KDM5A: variants seen among roughly 807,000 people sequenced by gnomAD.
KDM5A encodes the protein lysine-specific demethylase 5A.
In KDM5A, 42 loss-of-function variants were observed where a neutral mutation model predicts 193.5. The observed-to-expected ratio is 0.22, with a 90% CI of 0.17 to 0.28. The LOEUF is 0.28. KDM5A is among the 10% of genes least tolerant of loss of function. The pLI is 1.00. For synonymous variants in KDM5A, 796 were observed against 718.1 expected, an observed-to-expected ratio of 1.11 and a Z score of -1.73; for missense variants, 1,692 against 2,055.1, an observed-to-expected ratio of 0.82 and a Z score of 3.42.
At chr12:346,173 T>C (rs1222803854) in intron 10 of KDM5A, among the ~76,000 whole-genome samples, 3 of 151,982 alleles carry the variant, frequency 2.0e-5, no homozygotes, top group East Asian at 1.9e-4. Flanking sequence ...CTAGAAGAAA[T>C]GGATAAATTC....
chr12:309,846 T>A lies in KDM5A; in HGVS notation c.3335A>T (p.Asp1112Val). 6.2e-7 allele frequency: 1 copy of A among 1,614,148 alleles called. No homozygotes were observed. Among genetic ancestry groups the A allele is most frequent in the Non-Finnish European group, 8.5e-7 (1 of 1,180,006 alleles). The change falls in exon 22 of 28, where the codon GAT (aspartate) becomes GTT (valine). Residue 1112 changes from aspartate (D) to valine (V), a missense_variant. Asp to Val is a radical substitution (Grantham distance 152). Transcript: ENST00000399788. ...GGTTTCCTCCAATCCTTCCTCCAGA[T>A]CACTCAGAGGCTCCAGGTCCAGATC... ...EKDLDLEPLS[D>V]LEEGLEETRD...
chr12:296,733 A>G (rs1183791745), intron 25 of KDM5A, among the ~76,000 whole-genome samples: 3 of 152,350 alleles, frequency 2.0e-5, no homozygotes, highest in African/African-American at 7.2e-5. Flanking sequence ...AACACCTGAT[A>G]ATGACCACAT....
chr12:311,272 G>C (rs1006277694), intron 20 of KDM5A: 1 of 580,772 alleles, frequency 1.7e-6, no homozygotes, highest in African/African-American at 1.9e-5. Flanking sequence ...TGTCATCAAT[G>C]ATTTTATTTA....
At position 389,174 on chromosome 12, in the gene KDM5A, C is replaced by G. The variant is rs534801197; in HGVS notation, c.-83G>C. The G allele has an allele frequency of 2.3e-6, 3 of 1,324,528 alleles. No individual in the cohort carries two copies. The highest frequency in any genetic ancestry group is 3.3e-6 in the Non-Finnish European group (3 of 917,440). 82.0% of individuals were successfully genotyped at this position (1,324,528 alleles called of 1,614,324 possible). A position where few individuals can be genotyped will look rare whatever the true frequency, so the allele number is the denominator to read the frequency against. ...TGAAGCCCACTAAGCCCGTTCAAGT[C>G]CCCTGACAGAGGCCGAAGCGCATCT... On this transcript the variant is annotated 5_prime_UTR_variant, in exon 1 of 28. Coordinates refer to ENST00000399788, the MANE Select transcript of KDM5A (RefSeq NM_001042603.3).
chr12:293,257 A>G (rs535465808), intron 26 of KDM5A, 88 bp from the exon 27 acceptor site: 58 of 1,129,938 alleles, frequency 5.1e-5, no homozygotes, highest in Middle Eastern at 2.0e-4. Context: ...TAGAATAGAC[A>G]CATTCGGAGA....
intron 15 of KDM5A, 108 bp downstream of exon 15, chr12:323,492 G>C (rs1943746727): frequency 8.4e-7 from 1 of 1,186,270 alleles, no homozygotes; most frequent in African/African-American, 1.5e-5. Flanking sequence ...AGACAGTGAA[G>C]TTTAGAAGTC....
chr12:288,974 G>A (rs1443722885), intron 27 of KDM5A, among the ~76,000 whole-genome samples: 1 of 152,184 alleles, frequency 6.6e-6, no homozygotes, highest in East Asian at 1.9e-4. Flanking sequence ...TTGCTTATCT[G>A]TGCTAAAAGG....
At chr12:374,494 TA>T (rs775277269) in intron 3 of KDM5A, among the ~76,000 whole-genome samples, 10 of 152,230 alleles carry the variant, frequency 6.6e-5, no homozygotes, top group African/African-American at 9.6e-5. Context: ...GTCTCCTGAA[TA>T]AAGCACACTG....
intron 5 of KDM5A, among the ~76,000 whole-genome samples, chr12:358,989 TAAAAAATAAA>T (rs1944261117): frequency 1.1e-5 from 1 of 87,642 alleles, no homozygotes; most frequent in African/African-American, 3.0e-5. Context: ...AAATAAATAA[TAAAAAATAAA>T]AAAAAACAAT....
intron 24 of KDM5A, 124 bp downstream of exon 24, chr12:306,822 C>A (rs1002609468): frequency 1.0e-6 from 1 of 965,978 alleles, no homozygotes; most frequent in Admixed American, 1.9e-5. Flanking sequence ...AAACTCAGAA[C>A]AGATAAATGA....
At chr12:386,549 A>G (rs1483854330) in intron 1 of KDM5A, among the ~76,000 whole-genome samples, 5 of 152,192 alleles carry the variant, frequency 3.3e-5, no homozygotes, top group Non-Finnish European at 7.3e-5. Flanking sequence ...ATACAATGAA[A>G]AAAATAATCT....
intron 20 of KDM5A, among the ~76,000 whole-genome samples, chr12:312,580 T>C (rs772222233): frequency 5.3e-5 from 8 of 152,186 alleles, no homozygotes; most frequent in Non-Finnish European, 1.2e-4. Flanking sequence ...TATTCTAAAT[T>C]ATAAAATCAG....
intron 22 of KDM5A, 126 bp from the exon 23 acceptor site, chr12:308,131 C>T (rs536079671): frequency 2.4e-5 from 25 of 1,031,386 alleles, no homozygotes; most frequent in Middle Eastern, 2.8e-4. Flanking sequence ...AAATGTGGGG[C>T]CCCTGGCGGT....
rs769253632 is a variant in KDM5A at position 307,947 on chromosome 12, G to A, written c.3437C>T (p.Ala1146Val). ...CATTGTCATCTTGGCTAGGTTGGCT[G>A]CTCTGAGAGAATGCATGGCTTCAAT... ...KEIEAMHSLRAANLAKMTMVD... is the reference protein window; with the variant it reads ...KEIEAMHSLRVANLAKMTMVD... Residue 1146 changes from alanine (A) to valine (V), a missense_variant, in exon 23 of 28, where the codon GCA becomes GTA. Physicochemically the swap from Ala to Val is moderately conservative, Grantham distance 64. Transcript: ENST00000399788. This position sits in a 1 kb window ranked among gnomAD's most constrained non-coding sequence, Gnocchi z 4.3. The A allele has an allele frequency of 1.9e-6, 3 of 1,614,164 alleles. No individual in the cohort carries two copies. Among genetic ancestry groups the A allele is most frequent in the Admixed American group, 1.7e-5 (1 of 60,022 alleles).
chr12:329,204 CAG>C, intron 13 of KDM5A, 175 bp from the exon 14 acceptor site: 1 of 628,580 alleles, frequency 1.6e-6, no homozygotes, highest in Non-Finnish European at 2.8e-6. Flanking sequence ...AAGACCCAGC[CAG>C]AGTTTCAAAG....
intron 27 of KDM5A, among the ~76,000 whole-genome samples, chr12:288,241 T>C (rs763434301): frequency 1.3e-5 from 2 of 152,224 alleles, no homozygotes; most frequent in Admixed American, 6.5e-5. Context: ...CAACAGACTA[T>C]GTAGTATCCT....
chr12:334,431 G>A lies in KDM5A; in HGVS notation c.1309-9C>T. Reference sequence around the variant, plus strand: ...CCAGAAAGTGCATATTCCTATAAGAGAAGAAAAAACTGTAAATGAAAGATC... The same window carrying A: ...CCAGAAAGTGCATATTCCTATAAGAAAAGAAAAAACTGTAAATGAAAGATC... On this transcript the variant is annotated splice_polypyrimidine_tract_variant and intron_variant, in intron 10 of 27. Transcript: ENST00000399788. The A allele has an allele frequency of 6.2e-7, 1 of 1,610,228 alleles. No homozygotes were observed. The highest frequency in any genetic ancestry group is 8.5e-7 in the Non-Finnish European group (1 of 1,176,774).
At chr12:375,636 C>A (rs979303358) in intron 3 of KDM5A, among the ~76,000 whole-genome samples, 1 of 152,258 alleles carries the variant, frequency 6.6e-6, no homozygotes, top group East Asian at 1.9e-4. Context: ...GTTCCTTTGG[C>A]GGGGGAGAGG....
At chr12:290,966 A>T (rs543582432) in intron 27 of KDM5A, among the ~76,000 whole-genome samples, 1 of 152,324 alleles carries the variant, frequency 6.6e-6, no homozygotes, top group African/African-American at 2.4e-5. Flanking sequence ...AAGGAAGAAA[A>T]GGGAGAAGGT....
Sources: allele counts gnomAD v4.1 joint callset (sites outside exome capture counted in the v4.1 genomes callset), GRCh38; gene constraint gnomAD v4.1.1; non-coding constraint Gnocchi (gnomAD v3.1); transcripts MANE v1.5; gene names NCBI Gene and HGNC (gene_info 2026-07-23, HGNC 2026-07-21).